Variants in TMEM132E observed in about 807,000 individuals in gnomAD.
TMEM132E encodes the protein transmembrane protein 132E.
Under a neutral mutation model 78.5 loss-of-function variants are expected in TMEM132E, and 49 were observed. The observed-to-expected ratio is 0.62, with a 90% CI of 0.50 to 0.79. TMEM132E has a LOEUF of 0.79. Ranked by LOEUF, TMEM132E falls within the 30% of genes least tolerant of loss-of-function variation. The pLI, the probability that TMEM132E is intolerant of heterozygous loss-of-function variation, is 0.00. For missense variants in TMEM132E, 1,403 were observed against 1,470.9 expected, an observed-to-expected ratio of 0.95 and a Z score of 0.75; for synonymous variants, 715 against 670.6, an observed-to-expected ratio of 1.07 and a Z score of -1.02.
At chr17:34,602,443 C>T (rs1439998513) in intron 1 of TMEM132E, among the ~76,000 whole-genome samples, 1 of 152,232 alleles carries the variant, frequency 6.6e-6, no homozygotes, top group Non-Finnish European at 1.5e-5. Context: ...TAGGCCCCTG[C>T]AGCTCTCACA....
chr17:34,616,959 CCT>C (rs1159253233), intron 1 of TMEM132E, among the ~76,000 whole-genome samples: 2 of 152,206 alleles, frequency 1.3e-5, no homozygotes, highest in African/African-American at 4.8e-5. Context: ...TGGGTTTTAA[CCT>C]CTGTTTGCTC....
chr17:34,637,473 T>C lies in TMEM132E; in HGVS notation c.2466T>C (p.Tyr822=), dbSNP rs1368099998. 3.7e-6 allele frequency: 6 copies of C among 1,612,128 alleles called. No individual in the cohort carries two copies. The highest frequency in any genetic ancestry group is 5.1e-6 in the Non-Finnish European group (6 of 1,179,626). Residue 822 remains tyrosine, a synonymous_variant, in exon 9 of 9, where the codon TAT becomes TAC. Transcript: ENST00000631683. ...GGAGGGACGAGGAGGACCCCACTTA[T>C]GACTACCCGGGCCCCAGCCAACCAG... ...HFGRDEEDPT[Y]DYPGPSQPGP...
intron 5 of TMEM132E, 55 bp from the exon 6 acceptor site, chr17:34,632,649 G>A: frequency 6.3e-7 from 1 of 1,592,708 alleles, no homozygotes; most frequent in Admixed American, 1.7e-5. Context: ...CCTCCGCACT[G>A]CCTCACAGGA....
chr17:34,612,466 G>T (rs1906624386), intron 1 of TMEM132E, among the ~76,000 whole-genome samples: 1 of 152,152 alleles, frequency 6.6e-6, no homozygotes, highest in Non-Finnish European at 1.5e-5. Context: ...CCCCGGCAGA[G>T]CCCCCACTCA....
intron 1 of TMEM132E, among the ~76,000 whole-genome samples, chr17:34,596,152 G>C (rs185577189): frequency 6.2e-4 from 95 of 152,242 alleles, no homozygotes; most frequent in Admixed American, 2.4e-3. Flanking sequence ...GATTTCCCCT[G>C]TCTGGGGTGT....
intron 1 of TMEM132E, among the ~76,000 whole-genome samples, chr17:34,587,395 G>C (rs992211844): frequency 2.6e-5 from 4 of 152,172 alleles, no homozygotes; most frequent in African/African-American, 9.7e-5. Flanking sequence ...TGCACTTGGG[G>C]AGCACCCAGT....
chr17:34,628,255 A>T lies in TMEM132E; in HGVS notation c.999-308A>T, dbSNP rs193011123. Among the ~76,000 whole-genome samples, 302 of 152,278 alleles carry T rather than the reference A, an allele frequency of 2.0e-3. 1 individual carries two copies. The highest frequency in any genetic ancestry group is 3.3e-3 in the Non-Finnish European group (223 of 68,018). On this transcript the variant is annotated intron_variant, in intron 2 of 8. Transcript: ENST00000631683. ...TTCTAGTTTTCTTGGTCTTTCTGAA[A>T]ATGGAATGGGATGTGTGCAGAAGTA... is the stretch of plus-strand genomic sequence containing the variant.
At chr17:34,582,709 C>A (rs531762163) in intron 1 of TMEM132E, among the ~76,000 whole-genome samples, 48 of 152,218 alleles carry the variant, frequency 3.2e-4, no homozygotes, top group Non-Finnish European at 5.7e-4. Flanking sequence ...GGTGGGCTGC[C>A]TGTCTGCGCA....
At chr17:34,586,598 A>G (rs1474825537) in intron 1 of TMEM132E, among the ~76,000 whole-genome samples, 1 of 152,122 alleles carries the variant, frequency 6.6e-6, no homozygotes, top group Non-Finnish European at 1.5e-5. Flanking sequence ...GAGTCCAGGC[A>G]TCATTATCTC....
At chr17:34,629,310 G>C in intron 4 of TMEM132E, 106 bp downstream of exon 4, 1 of 1,269,234 alleles carries the variant, frequency 7.9e-7, no homozygotes, top group Non-Finnish European at 1.1e-6. Context: ...ATTGACATGT[G>C]TGTATATGTG....
intron 1 of TMEM132E, among the ~76,000 whole-genome samples, chr17:34,594,457 T>C (rs1039947895): frequency 1.3e-5 from 2 of 152,232 alleles, no homozygotes; most frequent in Non-Finnish European, 2.9e-5. Flanking sequence ...CGTTTCCACG[T>C]TTATAAAATG....
Position 34,628,689 on chromosome 17 carries a change from G to C in TMEM132E, c.1125G>C (p.Gln375His), listed in dbSNP as rs764106938. 3 of 1,607,050 alleles carry C rather than the reference G, an allele frequency of 1.9e-6. No homozygotes were observed. ...STATVDVAWA[Q>H]STPLPPREGQ... The stretch of plus-strand genomic sequence containing the variant: ...CCACCGTGGATGTGGCCTGGGCTCA[G>C]AGCACACCCCTGCCCCCCAGGTGAG... The change falls in exon 3 of 9, where the codon CAG becomes CAC. Residue 375 changes from glutamine to histidine, a missense_variant. Transcript: ENST00000631683.
intron 1 of TMEM132E, 136 bp from the exon 2 acceptor site, chr17:34,625,991 C>G: frequency 1.2e-6 from 1 of 811,984 alleles, no homozygotes; most frequent in Non-Finnish European, 1.9e-6. Context: ...GGAGGATGGA[C>G]AGCCAGGCTG....
chr17:34,632,669 G>C (rs367551499), intron 5 of TMEM132E, 35 bp from the exon 6 acceptor site: 1 of 1,611,532 alleles, frequency 6.2e-7, no homozygotes, highest in African/African-American at 1.3e-5. Flanking sequence ...AAGACCTGTA[G>C]GGAAGATGTG....
At chr17:34,587,041 T>C (rs911415660) in intron 1 of TMEM132E, among the ~76,000 whole-genome samples, 8 of 152,186 alleles carry the variant, frequency 5.3e-5, no homozygotes, top group African/African-American at 1.9e-4. Flanking sequence ...GATGTGTGCT[T>C]GCTGGCAGAA....
intron 1 of TMEM132E, among the ~76,000 whole-genome samples, chr17:34,625,578 C>T (rs1907088841): frequency 6.6e-6 from 1 of 151,466 alleles, no homozygotes. Context: ...TGATAGAAAA[C>T]TGGTCGCGTG....
chr17:34,601,274 C>G (rs915085544), intron 1 of TMEM132E, among the ~76,000 whole-genome samples: 2 of 152,218 alleles, frequency 1.3e-5, no homozygotes, highest in African/African-American at 4.8e-5. Flanking sequence ...GCCCAGGAGG[C>G]AGACCGCATC....
intron 1 of TMEM132E, among the ~76,000 whole-genome samples, chr17:34,586,202 C>G (rs781417307): frequency 6.6e-6 from 1 of 152,190 alleles, no homozygotes; most frequent in African/African-American, 2.4e-5. Context: ...TCTTCCTCCC[C>G]GTTTCCTCCC....
chr17:34,594,086 T>C (rs1905974765), intron 1 of TMEM132E, among the ~76,000 whole-genome samples: 1 of 152,226 alleles, frequency 6.6e-6, no homozygotes, highest in African/African-American at 2.4e-5. Flanking sequence ...CTCTGTCCCC[T>C]GACCCTGCTC....
Sources: gnomAD v4.1 joint callset for allele counts (sites outside exome capture counted in the v4.1 genomes callset) on GRCh38, gnomAD v4.1.1 for gene constraint, MANE v1.5 for transcripts, NCBI Gene and HGNC (gene_info 2026-07-23, HGNC 2026-07-21) for gene names.